The following KCNH5 variants were observed in gnomAD, a reference collection of about 807,000 sequenced individuals.
KCNH5 encodes the protein voltage-gated delayed rectifier potassium channel KCNH5.
Under a neutral mutation model 96.1 loss-of-function variants are expected in KCNH5, and 46 were observed. The ratio of observed to expected loss-of-function variants is 0.48; its 90% CI spans 0.38 to 0.61. The LOEUF is 0.61. Among genes scored for constraint, KCNH5 ranks in the 20% least tolerant of loss-of-function variants. KCNH5 has a pLI of 0.00. For synonymous variants in KCNH5, 439 were observed against 449.8 expected, an observed-to-expected ratio of 0.98 and a Z score of 0.30; for missense variants, 907 against 1,225.8, an observed-to-expected ratio of 0.74 and a Z score of 3.88.
intron 7 of KCNH5, among the ~76,000 whole-genome samples, chr14:62,878,132 G>T (rs1888415675): frequency 6.0e-5 from 9 of 149,298 alleles, no homozygotes; most frequent in African/African-American, 2.3e-4. Context: ...ACTCATAGGT[G>T]GGAATTGAAC....
intron 4 of KCNH5, among the ~76,000 whole-genome samples, chr14:62,991,281 T>C (rs1016572043): frequency 1.3e-5 from 2 of 151,992 alleles, no homozygotes; most frequent in African/African-American, 4.8e-5. Context: ...GCATAGCTTA[T>C]ATGAAGGAAG....
rs1465637406 is a variant in KCNH5, at chr14:62,706,808, G to A, written c.*700C>T. The A allele has an allele frequency of 2.0e-5, 3 of 152,152 alleles. No individual in the cohort carries two copies. The highest frequency in any genetic ancestry group is 4.4e-5 in the Non-Finnish European group (3 of 68,000). The allele number at this position is 152,152 out of a possible 1,614,324, so 9.4% of individuals were successfully genotyped here. ...CAAGATGGCAGCTGTTCTCCAAGAA[G>A]GAGGGAGTAGGGATTTCCTTACATA... On this transcript the variant is annotated 3_prime_UTR_variant, in exon 11 of 11. Transcript: ENST00000322893.
intron 7 of KCNH5, among the ~76,000 whole-genome samples, chr14:62,929,029 T>C (rs945181673): frequency 3.3e-5 from 5 of 152,036 alleles, no homozygotes; most frequent in African/African-American, 7.3e-5. Flanking sequence ...ACGAGACATA[T>C]GTACTTACGT....
At position 62,874,103 on chromosome 14, in the gene KCNH5, T is replaced by C. The variant is rs1007036950; in HGVS notation, c.1370-24251A>G. Among the ~76,000 whole-genome samples, 3 of 152,212 alleles carry C rather than the reference T, an allele frequency of 2.0e-5. No homozygotes were observed. The East Asian group carries it at 5.8e-4, about 29-fold the overall frequency. ...GTGGACTAAAGTTTACCTCCTGGAC[T>C]TTCATTCCCAAAGAAGTGAGGTTTT... is the stretch of plus-strand genomic sequence containing the variant. On this transcript the variant is annotated intron_variant, in intron 7 of 10. Transcript: ENST00000322893.
chr14:62,892,711 T>C (rs1888735286), intron 7 of KCNH5, among the ~76,000 whole-genome samples: 1 of 152,138 alleles, frequency 6.6e-6, no homozygotes, highest in African/African-American at 2.4e-5. Context: ...TCACTGACAA[T>C]TGCAAAAACC....
chr14:63,006,545 T>C (rs777619608), intron 2 of KCNH5, 73 bp from the exon 3 acceptor site: 1 of 876,268 alleles, frequency 1.1e-6, no homozygotes, highest in Admixed American at 1.9e-5. Flanking sequence ...AATCATATAA[T>C]TGTCTTTGAC....
chr14:62,714,126 A>AT (rs1239087447), intron 10 of KCNH5, among the ~76,000 whole-genome samples: 80 of 16,914 alleles, frequency 4.7e-3, no homozygotes, highest in East Asian at 0.047. Flanking sequence ...CTACAATAAA[A>AT]TTTAAAAAAA....
chr14:62,929,277 C>G (rs1889535574), intron 7 of KCNH5, among the ~76,000 whole-genome samples: 1 of 152,072 alleles, frequency 6.6e-6, no homozygotes. Flanking sequence ...TCGCCACTTC[C>G]TGCCACCTCC....
At chr14:62,912,036 T>C (rs1438910064) in intron 7 of KCNH5, among the ~76,000 whole-genome samples, 1 of 33,416 alleles carries the variant, frequency 3.0e-5, no homozygotes, top group Admixed American at 3.2e-4. Flanking sequence ...AGACTCCTAA[T>C]CAAAAAAAAA....
chr14:62,720,445 G>A (rs766410564), intron 10 of KCNH5, among the ~76,000 whole-genome samples: 1 of 152,156 alleles, frequency 6.6e-6, no homozygotes, highest in African/African-American at 2.4e-5. Context: ...AGCCAGGCAT[G>A]GTGGCGGACA....
Position 62,707,955 on chromosome 14 carries a change from C to A in KCNH5, c.2520G>T (p.Leu840Phe). The A allele has an allele frequency of 6.2e-7, 1 of 1,614,198 alleles. No homozygotes were observed. The highest frequency in any genetic ancestry group is 8.5e-7 in the Non-Finnish European group (1 of 1,180,038). The change falls in exon 11 of 11, where the codon TTG becomes TTT. Residue 840 changes from leucine (L) to phenylalanine (F), a missense_variant. Physicochemically the swap from Leu to Phe is conservative, Grantham distance 22. Coordinates refer to ENST00000322893, the MANE Select transcript of KCNH5 (RefSeq NM_139318.5). ...NVTKAESMGLLSEDPKSSDSE... is the reference protein window; with the variant it reads ...NVTKAESMGLFSEDPKSSDSE... ...AATCACTGCTCTTGGGGTCCTCAGA[C>A]AATAGCCCCATTGACTCAGCTTTAG... is the stretch of plus-strand genomic sequence containing the variant.
At chr14:62,986,479 G>A (rs1283351425) in intron 5 of KCNH5, among the ~76,000 whole-genome samples, 1 of 152,024 alleles carries the variant, frequency 6.6e-6, no homozygotes, top group Non-Finnish European at 1.5e-5. Flanking sequence ...CTGACCCTTT[G>A]TACATGCTGG....
chr14:62,793,131 T>G (rs968160083), intron 9 of KCNH5, among the ~76,000 whole-genome samples: 3 of 151,722 alleles, frequency 2.0e-5, no homozygotes, highest in African/African-American at 7.2e-5. Context: ...ATAGTGGCTG[T>G]CAGGGCTTGG....
At chr14:63,011,936 T>C (rs934998961) in intron 2 of KCNH5, among the ~76,000 whole-genome samples, 5 of 152,172 alleles carry the variant, frequency 3.3e-5, no homozygotes, top group Non-Finnish European at 7.4e-5. Context: ...GGATTGTAAA[T>C]GGTCTTTCAA....
At chr14:62,981,576 T>A (rs1890607481) in intron 5 of KCNH5, among the ~76,000 whole-genome samples, 1 of 152,236 alleles carries the variant, frequency 6.6e-6, no homozygotes, top group Non-Finnish European at 1.5e-5. Flanking sequence ...TAGAATCACA[T>A]GGCTCTCATG....
intron 7 of KCNH5, among the ~76,000 whole-genome samples, chr14:62,908,103 T>C (rs1005868117): frequency 1.3e-5 from 2 of 152,218 alleles, no homozygotes; most frequent in Admixed American, 6.5e-5. Context: ...GGATTCTACA[T>C]GTTTTCAGCT....
intron 2 of KCNH5, among the ~76,000 whole-genome samples, chr14:63,010,514 T>A (rs915135379): frequency 6.6e-6 from 1 of 152,168 alleles, no homozygotes; most frequent in African/African-American, 2.4e-5. Context: ...CCCATGAGGT[T>A]GAAGCAAACG....
At chr14:62,933,994 TTC>T (rs1889628768) in intron 7 of KCNH5, among the ~76,000 whole-genome samples, 2 of 152,172 alleles carry the variant, frequency 1.3e-5, no homozygotes, top group African/African-American at 4.8e-5. Flanking sequence ...CTCTGGAAAC[TTC>T]TCTCTAATGA....
At chr14:62,709,232 C>CAAAAAAAAAAAAAAAAAAAAAAA (rs67304113) in intron 10 of KCNH5, among the ~76,000 whole-genome samples, 3 of 71,572 alleles carry the variant, frequency 4.2e-5, no homozygotes, top group East Asian at 1.1e-3. Flanking sequence ...GACTCCTTCT[C>CAAAAAAAAAAAAAAAAAAAAAAA]AAAAAAAAAA....
Sources: gnomAD v4.1 joint callset for allele counts (sites outside exome capture counted in the v4.1 genomes callset) on GRCh38, gnomAD v4.1.1 for gene constraint, MANE v1.5 for transcripts, NCBI Gene and HGNC (gene_info 2026-07-23, HGNC 2026-07-21) for gene names.